CHRM2: variants seen among roughly 807,000 people sequenced by gnomAD.
CHRM2 encodes the protein muscarinic acetylcholine receptor M2.
Under a neutral mutation model 25.0 loss-of-function variants are expected in CHRM2, and 8 were observed. The ratio of observed to expected loss-of-function variants is 0.32; its 90% CI spans 0.19 to 0.58. CHRM2 has a LOEUF of 0.58. CHRM2 is among the 20% of genes least tolerant of loss of function. The pLI, the probability that CHRM2 is intolerant of heterozygous loss-of-function variation, is 0.88. For synonymous variants in CHRM2, 202 were observed against 205.7 expected (o/e 0.98, Z 0.15); for missense variants, 440 against 567.1 (o/e 0.78, Z 2.28).
chr7:136,873,482 A>G (rs1415655796), intron 2 of CHRM2, among the ~76,000 whole-genome samples: 4 of 152,210 alleles, frequency 2.6e-5, no homozygotes. Context: ...ATCTCTTTTG[A>G]ATGAGTTAAT....
chr7:136,939,437 T>C (rs1011223986), intron 2 of CHRM2, among the ~76,000 whole-genome samples: 18 of 152,204 alleles, frequency 1.2e-4, no homozygotes, highest in Non-Finnish European at 1.9e-4. Flanking sequence ...GTGTTTCTTT[T>C]TCTGCAAAGT....
intron 3 of CHRM2, among the ~76,000 whole-genome samples, chr7:137,003,554 T>TACACACATACACACACACATATACACAC (rs1804216547): frequency 6.8e-6 from 1 of 147,182 alleles, no homozygotes; most frequent in Non-Finnish European, 1.5e-5. Flanking sequence ...GGTGAATAAA[T>TACACACATACACACACACATATACACAC]ACAGGCCCAG....
intron 2 of CHRM2, among the ~76,000 whole-genome samples, chr7:136,943,524 G>T (rs1392545528): frequency 6.6e-6 from 1 of 152,088 alleles, no homozygotes; most frequent in African/African-American, 2.4e-5. Flanking sequence ...GTTAATTTAT[G>T]CATCTATGAT....
At chr7:136,883,548 T>C (rs1796346631) in intron 2 of CHRM2, among the ~76,000 whole-genome samples, 1 of 152,146 alleles carries the variant, frequency 6.6e-6, no homozygotes, top group Admixed American at 6.6e-5. Context: ...TGACAACCCA[T>C]TATCAGTTTC....
In CHRM2 at chr7:136,924,806, G is replaced by A. The variant is rs115409466; in HGVS notation, c.-125+55388G>A. 4.8e-3 allele frequency among the ~76,000 whole-genome samples: 738 copies of A among 152,264 alleles called. 5 individuals carry two copies. Among genetic ancestry groups the A allele is most frequent in the African/African-American group, 0.017 (692 of 41,554 alleles). On this transcript the variant is annotated intron_variant, in intron 2 of 3. Coordinates refer to ENST00000680005, the MANE Select transcript of CHRM2 (RefSeq NM_001006630.2). ...AATTGTCATGAAGCTCCTTCTTATG[G>A]TGAGCCACATTTTGCTTTTCATAAC...
intron 3 of CHRM2, among the ~76,000 whole-genome samples, chr7:136,993,292 G>A (rs1326638084): frequency 6.6e-6 from 1 of 152,140 alleles, no homozygotes; most frequent in Non-Finnish European, 1.5e-5. Context: ...ATGATCAGGA[G>A]CAAAAGCTTA....
intron 2 of CHRM2, among the ~76,000 whole-genome samples, chr7:136,900,938 A>G (rs1398999134): frequency 6.6e-6 from 1 of 152,052 alleles, no homozygotes; most frequent in Non-Finnish European, 1.5e-5. Context: ...ACACACCTCT[A>G]TTCATAACAG....
At chr7:136,984,252 G>A (rs1235153851) in intron 2 of CHRM2, among the ~76,000 whole-genome samples, 4 of 152,202 alleles carry the variant, frequency 2.6e-5, no homozygotes, top group South Asian at 2.1e-4. Context: ...GGGGAAAGCC[G>A]CCTACTCAAG....
intron 2 of CHRM2, among the ~76,000 whole-genome samples, chr7:136,928,392 T>C (rs1798863732): frequency 6.6e-6 from 1 of 152,186 alleles, no homozygotes; most frequent in South Asian, 2.1e-4. Context: ...TGGAAAGTAG[T>C]AGATGTTTAA....
chr7:136,871,335 C>G (rs1360902841), intron 2 of CHRM2: 2 of 152,376 alleles, frequency 1.3e-5, no homozygotes, highest in African/African-American at 2.4e-5. Flanking sequence ...CGTCTCGCCC[C>G]GCCCCGCCGC....
chr7:136,934,177 T>C (rs1441970629), intron 2 of CHRM2, among the ~76,000 whole-genome samples: 1 of 152,150 alleles, frequency 6.6e-6, no homozygotes, highest in Non-Finnish European at 1.5e-5. Context: ...ATTTCTCCTA[T>C]GGAATTTTAT....
Position 136,968,325 on chromosome 7 carries a change from A to G in CHRM2, c.-124-23862A>G, listed in dbSNP as rs193178017. On this transcript the variant is annotated intron_variant, in intron 2 of 3. Transcript: ENST00000680005. ...GGGAAATGCAAATTAAAACCCCAATAAGATATCATCTGATACTTGCTAGAA... is the reference window on the plus strand; with the variant it reads ...GGGAAATGCAAATTAAAACCCCAATGAGATATCATCTGATACTTGCTAGAA... 5.3e-5 allele frequency among the ~76,000 whole-genome samples: 8 copies of G among 152,126 alleles called. No homozygotes were observed. The East Asian group carries it at 1.4e-3, about 26-fold the overall frequency.
At chr7:136,872,132 C>T (rs1174475118) in intron 2 of CHRM2, among the ~76,000 whole-genome samples, 1 of 152,124 alleles carries the variant, frequency 6.6e-6, no homozygotes, top group African/African-American at 2.4e-5. Flanking sequence ...TTTGGGACTC[C>T]AAATTCCCAG....
chr7:136,968,004 A>G (rs1274636972), intron 2 of CHRM2, among the ~76,000 whole-genome samples: 1 of 152,084 alleles, frequency 6.6e-6, no homozygotes, highest in African/African-American at 2.4e-5. Context: ...TGAGAATAAG[A>G]AAGTGGACAT....
At chr7:136,901,552 A>G (rs562124436) in intron 2 of CHRM2, among the ~76,000 whole-genome samples, 1 of 152,116 alleles carries the variant, frequency 6.6e-6, no homozygotes, top group African/African-American at 2.4e-5. Context: ...TAGTGCAGTG[A>G]TTTGAATAGC....
At chr7:136,916,730 T>A in intron 2 of CHRM2, among the ~76,000 whole-genome samples, 1 of 151,270 alleles carries the variant, frequency 6.6e-6, no homozygotes, top group Non-Finnish European at 1.5e-5. Flanking sequence ...AAATGCTATG[T>A]ACTATGTTAT....
At chr7:136,965,128 T>A (rs185161568) in intron 2 of CHRM2, among the ~76,000 whole-genome samples, 26 of 152,244 alleles carry the variant, frequency 1.7e-4, no homozygotes, top group Non-Finnish European at 1.0e-4. Context: ...AGCTTTAAAA[T>A]TATGATAAAA....
chr7:137,013,650 T>A (rs902655099), intron 3 of CHRM2, among the ~76,000 whole-genome samples: 3 of 152,022 alleles, frequency 2.0e-5, no homozygotes, highest in African/African-American at 7.2e-5. Flanking sequence ...TTATGAAAGA[T>A]CACTCAATTG....
At chr7:136,916,565 C>T (rs564069491) in intron 2 of CHRM2, among the ~76,000 whole-genome samples, 8 of 151,386 alleles carry the variant, frequency 5.3e-5, no homozygotes, top group Admixed American at 3.3e-4. Flanking sequence ...ATCCACATTC[C>T]GCTTCAAAGT....
Sources: allele counts gnomAD v4.1 joint callset (sites outside exome capture counted in the v4.1 genomes callset), GRCh38; gene constraint gnomAD v4.1.1; transcripts MANE v1.5; gene names NCBI Gene and HGNC (gene_info 2026-07-23, HGNC 2026-07-21).